The following RAP2A variants were observed in gnomAD, a reference collection of about 807,000 sequenced individuals.
The protein encoded by RAP2A is ras-related protein Rap-2a.
RAP2A carries 5 observed loss-of-function variants against 15.1 expected under a neutral mutation model. The observed-to-expected ratio is 0.33, with a 90% CI of 0.17 to 0.70. RAP2A has a LOEUF of 0.70. Ranked by LOEUF, RAP2A falls within the 30% of genes least tolerant of loss-of-function variation. The probability of loss-of-function intolerance (pLI) is 0.68; values close to 1 mark genes in which losing one functional copy is unlikely to be tolerated. For synonymous variants in RAP2A, 110 were observed against 99.7 expected (o/e 1.10, Z -0.62); for missense variants, 111 against 240.3 (o/e 0.46, Z 3.56).
intron 1 of RAP2A, among the ~76,000 whole-genome samples, chr13:97,448,862 A>G (rs574614364): frequency 7.9e-5 from 12 of 152,308 alleles, no homozygotes; most frequent in African/African-American, 2.9e-4. Flanking sequence ...TGCCTCCCTA[A>G]GGAAAAGCAA....
chr13:97,440,187 T>A (rs2066651433), intron 1 of RAP2A, among the ~76,000 whole-genome samples: 1 of 152,144 alleles, frequency 6.6e-6, no homozygotes, highest in Non-Finnish European at 1.5e-5. Flanking sequence ...TACCAAAACT[T>A]AATTCAAAGC....
intron 1 of RAP2A, among the ~76,000 whole-genome samples, chr13:97,448,499 C>T (rs2066688996): frequency 6.6e-6 from 1 of 152,106 alleles, no homozygotes; most frequent in Non-Finnish European, 1.5e-5. Flanking sequence ...TCATCATCAT[C>T]ATCTTCCTTA....
At position 97,464,395 on chromosome 13, in the gene RAP2A, C is replaced by T; in HGVS notation, c.505C>T (p.Gln169Ter). ...EIVRQMNYAA[Q>*]PDKDDPCCSA... ...TGTGAGGCAGATGAACTATGCTGCT[C>T]AGCCTGACAAAGATGACCCATGCTG... Residue 169 changes from glutamine to a stop codon, truncating the protein, a stop_gained, in exon 2 of 2, where the codon CAG (glutamine) becomes TAG (stop). Coordinates refer to ENST00000245304, the MANE Select transcript of RAP2A (RefSeq NM_021033.7). LOFTEE classifies it high-confidence loss of function. 6.2e-7 allele frequency: 1 copy of T among 1,614,220 alleles called. No individual in the cohort carries two copies. Among genetic ancestry groups the T allele is most frequent in the Non-Finnish European group, 8.5e-7 (1 of 1,180,024 alleles).
At chr13:97,440,357 A>G (rs558656275) in intron 1 of RAP2A, among the ~76,000 whole-genome samples, 1 of 152,284 alleles carries the variant, frequency 6.6e-6, no homozygotes, top group South Asian at 2.1e-4. Context: ...CAAACAAAGA[A>G]TTTGGGTATG....
intron 1 of RAP2A, among the ~76,000 whole-genome samples, chr13:97,440,473 T>A (rs1204594070): frequency 6.6e-6 from 1 of 152,134 alleles, no homozygotes; most frequent in Non-Finnish European, 1.5e-5. Flanking sequence ...TTAAAAAGAC[T>A]GACAATATGA....
chr13:97,465,532 C>T lies in RAP2A; in HGVS notation c.*1090C>T, dbSNP rs775892934. On this transcript the variant is annotated 3_prime_UTR_variant, in exon 2 of 2. Coordinates refer to ENST00000245304, the MANE Select transcript of RAP2A (RefSeq NM_021033.7). ...GCAGGCATTTTAAAAATTGAATAAC[C>T]ATGTGAAATAATTTGGGCTTAAAAG... 3 of 152,534 alleles carry T rather than the reference C, an allele frequency of 2.0e-5. No homozygotes were observed. The highest frequency in any genetic ancestry group is 4.4e-5 in the Non-Finnish European group (3 of 68,030). The allele number at this position is 152,534 out of a possible 1,614,324, so 9.4% of individuals were successfully genotyped here.
In RAP2A at chr13:97,466,098, A is replaced by G. The variant is rs1169048436; in HGVS notation, c.*1656A>G. 1 of 152,152 alleles carries G rather than the reference A, an allele frequency of 6.6e-6. No homozygotes were observed. The highest frequency in any genetic ancestry group is 1.5e-5 in the Non-Finnish European group (1 of 68,038). 9.4% of individuals were successfully genotyped at this position (152,152 alleles called of 1,614,324 possible). On this transcript the variant is annotated 3_prime_UTR_variant, in exon 2 of 2. Coordinates refer to ENST00000245304, the MANE Select transcript of RAP2A (RefSeq NM_021033.7). ...ATACTAAGAATCTATACTGCAGAAT[A>G]TAGTGTATCAAAAACTTTTTTCTTT... is the stretch of plus-strand genomic sequence containing the variant.
chr13:97,462,945 G>C (rs1247767347), intron 1 of RAP2A, among the ~76,000 whole-genome samples: 3 of 152,202 alleles, frequency 2.0e-5, no homozygotes, highest in African/African-American at 4.8e-5. Flanking sequence ...CCAGTTTCCT[G>C]AATGATAAAA....
chr13:97,448,529 A>G (rs550873490), intron 1 of RAP2A, among the ~76,000 whole-genome samples: 29 of 152,308 alleles, frequency 1.9e-4, no homozygotes, highest in East Asian at 5.8e-4. Flanking sequence ...CTAAGTATCA[A>G]TTAATGTTTG....
intron 1 of RAP2A, among the ~76,000 whole-genome samples, chr13:97,457,609 A>T (rs1446414226): frequency 6.6e-6 from 1 of 152,062 alleles, no homozygotes; most frequent in African/African-American, 2.4e-5. Context: ...TTAATATGAT[A>T]CATATTATTT....
At chr13:97,449,721 G>A (rs937370917) in intron 1 of RAP2A, among the ~76,000 whole-genome samples, 1 of 135,410 alleles carries the variant, frequency 7.4e-6, no homozygotes, top group Non-Finnish European at 1.6e-5. Flanking sequence ...TTGTGCATTT[G>A]TTTTATTTTT....
chr13:97,434,970 A>C (rs2153178824), intron 1 of RAP2A, among the ~76,000 whole-genome samples, 186 bp downstream of exon 1: 1 of 152,316 alleles, frequency 6.6e-6, no homozygotes, highest in South Asian at 2.1e-4. Context: ...CACAACTAAA[A>C]TTTGGCATCG....
chr13:97,464,125 CA>C, intron 1 of RAP2A, 79 bp from the exon 2 acceptor site: 3 of 1,421,666 alleles, frequency 2.1e-6, no homozygotes, highest in Non-Finnish European at 2.9e-6. Context: ...GAATAGCCCC[CA>C]AAAACGAAAA....
At chr13:97,461,588 GATTT>G (rs1340422121) in intron 1 of RAP2A, among the ~76,000 whole-genome samples, 7 of 152,100 alleles carry the variant, frequency 4.6e-5, no homozygotes, top group African/African-American at 1.4e-4. Flanking sequence ...TTAATAATTT[GATTT>G]ATTTGCAAGT....
chr13:97,444,770 G>T (rs2389909), intron 1 of RAP2A, among the ~76,000 whole-genome samples: 98,289 of 152,020 alleles, frequency 0.65, 32,449 homozygotes, highest in Middle Eastern at 0.76. Context: ...TTCTAAGGAA[G>T]TTTTTATTCA....
At chr13:97,450,429 C>T (rs560345165) in intron 1 of RAP2A, among the ~76,000 whole-genome samples, 3 of 152,106 alleles carry the variant, frequency 2.0e-5, no homozygotes, top group Admixed American at 6.6e-5. Flanking sequence ...GTTGTATGTC[C>T]GAATACCTCT....
chr13:97,463,129 C>G (rs545135546), intron 1 of RAP2A, among the ~76,000 whole-genome samples: 1 of 152,302 alleles, frequency 6.6e-6, no homozygotes, highest in South Asian at 2.1e-4. Context: ...AACACACACA[C>G]ACACAGATTT....
chr13:97,434,450 G>A lies in RAP2A; in HGVS notation c.-21G>A. ...GGTCTATGTCGCGGGCGGCGGCGGC[G>A]GCGGCGGCCGCGGAGGGACGATGCG... On this transcript the variant is annotated 5_prime_UTR_variant, in exon 1 of 2. Transcript: ENST00000245304. 6.4e-7 allele frequency: 1 copy of A among 1,566,232 alleles called. No individual in the cohort carries two copies. The highest frequency in any genetic ancestry group is 1.2e-5 in the South Asian group (1 of 84,658).
chr13:97,468,260 T>C lies in RAP2A; in HGVS notation c.*3818T>C, dbSNP rs537740687. ...TATATTTTGAATGGTAGCTGGTTAA[T>C]TTAAAGCCTGATGCTAAGGTTAACA... On this transcript the variant is annotated 3_prime_UTR_variant, in exon 2 of 2. Transcript: ENST00000245304. 7.9e-5 allele frequency: 12 copies of C among 152,356 alleles called. No individual in the cohort carries two copies. Among genetic ancestry groups the C allele is most frequent in the Non-Finnish European group, 1.2e-4 (8 of 68,038 alleles). 9.4% of individuals were successfully genotyped at this position (152,356 alleles called of 1,614,324 possible).
Sources: allele counts gnomAD v4.1 joint callset (sites outside exome capture counted in the v4.1 genomes callset), GRCh38; gene constraint gnomAD v4.1.1; transcripts MANE v1.5; gene names NCBI Gene and HGNC (gene_info 2026-07-23, HGNC 2026-07-21).